Variants in FRK observed in about 807,000 individuals in gnomAD.
FRK encodes fyn related Src family tyrosine kinase.
In FRK, 51 loss-of-function variants were observed where a neutral mutation model predicts 56.4. The observed-to-expected ratio is 0.90, with a 90% CI of 0.72 to 1.14. The LOEUF is 1.14. Among genes scored for constraint, FRK ranks in the 50% most tolerant of loss-of-function variants. The pLI, the probability that FRK is intolerant of heterozygous loss-of-function variation, is 0.00. For missense variants in FRK, 570 were observed against 601.4 expected, an observed-to-expected ratio of 0.95 and a Z score of 0.55; for synonymous variants, 245 against 217.9, an observed-to-expected ratio of 1.12 and a Z score of -1.10.
At chr6:116,052,744 A>C (rs918546832) in intron 1 of FRK, among the ~76,000 whole-genome samples, 2 of 152,136 alleles carry the variant, frequency 1.3e-5, no homozygotes, top group African/African-American at 2.4e-5. Context: ...TCTGAAGACC[A>C]AGGCTGCAGG....
chr6:115,958,276 C>G (rs1092519), intron 4 of FRK, among the ~76,000 whole-genome samples: 110,451 of 144,806 alleles, frequency 0.76, 40,541 homozygotes, highest in South Asian at 0.9. Context: ...GGAATCCCCC[C>G]ACTACCACCC....
intron 1 of FRK, chr6:116,039,536 C>G (rs968909507): frequency 4.6e-5 from 53 of 1,155,500 alleles, no homozygotes; most frequent in Non-Finnish European, 6.4e-5. Context: ...AAGCCAGGGA[C>G]TAAGCAGCCC....
intron 1 of FRK, among the ~76,000 whole-genome samples, chr6:116,045,568 T>C (rs1776916581): frequency 6.6e-6 from 1 of 152,158 alleles, no homozygotes; most frequent in Non-Finnish European, 1.5e-5. Flanking sequence ...CCTTACAACT[T>C]ATACAAAAAT....
intron 1 of FRK, among the ~76,000 whole-genome samples, chr6:116,011,486 A>T (rs1218606783): frequency 1.3e-5 from 2 of 151,966 alleles, no homozygotes; most frequent in African/African-American, 4.8e-5. Flanking sequence ...AAAAAAAAAC[A>T]TCCTTCCAGA....
intron 2 of FRK, among the ~76,000 whole-genome samples, chr6:115,978,301 C>G (rs991469926): frequency 6.6e-6 from 1 of 151,972 alleles, no homozygotes; most frequent in African/African-American, 2.4e-5. Flanking sequence ...CTACCTTGTT[C>G]TAAAAATGTC....
chr6:115,944,342 G>C lies in FRK; in HGVS notation c.1042C>G (p.Arg348Gly). 4 of 1,613,022 alleles carry C rather than the reference G, an allele frequency of 2.5e-6. No homozygotes were observed. Among genetic ancestry groups the C allele is most frequent in the Non-Finnish European group, 2.5e-6 (3 of 1,179,594 alleles). Residue 348 changes from arginine to glycine, a missense_variant, in exon 6 of 8, where the codon CGG (arginine) becomes GGG (glycine). Coordinates refer to ENST00000606080, the MANE Select transcript of FRK (RefSeq NM_002031.3). ...GCCAGATCTCTGTGAATGTAGTTCC[G>C]AGACTCCAGATAGGCCATTCCAGAG... ...VASGMAYLES[R>G]NYIHRDLAAR...
At chr6:116,037,002 T>C (rs1468660083) in intron 1 of FRK, among the ~76,000 whole-genome samples, 2 of 152,178 alleles carry the variant, frequency 1.3e-5, no homozygotes, top group Non-Finnish European at 2.9e-5. Context: ...GAATATTAAG[T>C]CAGCAAATAA....
At chr6:116,038,858 G>C (rs1405701853) in intron 1 of FRK, 1 of 541,962 alleles carries the variant, frequency 1.8e-6, no homozygotes, top group Non-Finnish European at 3.7e-6. Flanking sequence ...CAAGGTGCCG[G>C]CCAACACTGA....
the FRK span, among the ~76,000 whole-genome samples, chr6:116,097,726 CATAAGT>C: frequency 4.6e-5 from 7 of 152,036 alleles, no homozygotes; most frequent in East Asian, 1.9e-4. Flanking sequence ...TTACATAACT[CATAAGT>C]ATAAGAAAAA....
chr6:116,057,286 G>GA (rs1397487144), intron 1 of FRK, among the ~76,000 whole-genome samples: 2 of 151,772 alleles, frequency 1.3e-5, no homozygotes, highest in Admixed American at 6.6e-5. Flanking sequence ...GCATTCAGGA[G>GA]AAAAAAATAG....
intron 2 of FRK, among the ~76,000 whole-genome samples, chr6:115,994,685 G>A (rs1582691501): frequency 6.6e-6 from 1 of 152,166 alleles, no homozygotes; most frequent in Non-Finnish European, 1.5e-5. Context: ...TCAATGTGAT[G>A]GTGTTTGGAG....
At chr6:115,995,598 C>T (rs1774807984) in intron 2 of FRK, among the ~76,000 whole-genome samples, 1 of 151,230 alleles carries the variant, frequency 6.6e-6, no homozygotes, top group Non-Finnish European at 1.5e-5. Context: ...CACAGACAAA[C>T]AAAAGAGGGA....
chr6:116,001,312 CAT>C (rs1408726582), intron 2 of FRK, among the ~76,000 whole-genome samples: 2 of 151,658 alleles, frequency 1.3e-5, no homozygotes, highest in Admixed American at 6.6e-5. Flanking sequence ...CATGCACACA[CAT>C]ATGTATATAC....
At chr6:116,038,833 C>T (rs1173332235) in intron 1 of FRK, 2 of 522,216 alleles carry the variant, frequency 3.8e-6, no homozygotes, top group African/African-American at 1.9e-5. Context: ...AGCTCATCCG[C>T]ACTCTGAAGG....
At chr6:115,950,597 G>A (rs1039068093) in intron 5 of FRK, among the ~76,000 whole-genome samples, 1 of 152,186 alleles carries the variant, frequency 6.6e-6, no homozygotes, top group African/African-American at 2.4e-5. Context: ...AACCATTGTG[G>A]AGGACAGTGT....
chr6:116,020,973 T>C (rs1775853880), intron 1 of FRK, among the ~76,000 whole-genome samples: 1 of 152,066 alleles, frequency 6.6e-6, no homozygotes, highest in African/African-American at 2.4e-5. Context: ...AGTTGGGAAA[T>C]TGAAGTAAAA....
At chr6:116,090,555 T>C in the FRK span, among the ~76,000 whole-genome samples, 1 of 152,258 alleles carries the variant, frequency 6.6e-6, no homozygotes, top group African/African-American at 2.4e-5. Flanking sequence ...GACAACACTG[T>C]AACTGAAGTG....
intron 5 of FRK, among the ~76,000 whole-genome samples, chr6:115,946,916 G>A (rs1373421982): frequency 1.3e-5 from 2 of 152,112 alleles, no homozygotes; most frequent in South Asian, 4.1e-4. Context: ...TTTGGGGATA[G>A]GAAGAGCAGT....
chr6:116,086,150 TAC>T, the FRK span, among the ~76,000 whole-genome samples: 1 of 152,002 alleles, frequency 6.6e-6, no homozygotes, highest in Admixed American at 6.6e-5. Flanking sequence ...GGACTACAGG[TAC>T]CCACCACCAT....
Sources: allele counts gnomAD v4.1 joint callset (sites outside exome capture counted in the v4.1 genomes callset), GRCh38; gene constraint gnomAD v4.1.1; transcripts MANE v1.5; gene names NCBI Gene and HGNC (gene_info 2026-07-23, HGNC 2026-07-21).